Variants in MAN1A2 observed in about 807,000 individuals in gnomAD.
MAN1A2 encodes the protein mannosyl-oligosaccharide 1,2-alpha-mannosidase IB.
In MAN1A2, 26 loss-of-function variants were observed where a neutral mutation model predicts 75.7. That is an observed-to-expected ratio of 0.34 (90% CI 0.25 to 0.48). The LOEUF (loss-of-function observed/expected upper bound fraction) is 0.48, where lower values mean the gene tolerates loss of function less well. Among genes scored for constraint, MAN1A2 ranks in the 20% least tolerant of loss-of-function variants. The probability of loss-of-function intolerance (pLI) is 0.99; values close to 1 mark genes in which losing one functional copy is unlikely to be tolerated. For missense variants in MAN1A2, 562 were observed against 775.5 expected (o/e 0.72, Z 3.27); for synonymous variants, 247 against 264.6 (o/e 0.93, Z 0.65).
At chr1:117,452,407 G>GC (rs1649450611) in intron 6 of MAN1A2, among the ~76,000 whole-genome samples, 1 of 152,180 alleles carries the variant, frequency 6.6e-6, no homozygotes, top group African/African-American at 2.4e-5. Flanking sequence ...GGCCTCTTGT[G>GC]CCAAACAGTT....
intron 12 of MAN1A2, among the ~76,000 whole-genome samples, chr1:117,518,520 G>A (rs1651783984): frequency 6.6e-6 from 1 of 151,792 alleles, no homozygotes; most frequent in East Asian, 1.9e-4. Context: ...AAACAGTAAA[G>A]AAGAAAAAGT....
intron 12 of MAN1A2, among the ~76,000 whole-genome samples, chr1:117,512,305 A>G (rs548476337): frequency 6.6e-6 from 1 of 152,294 alleles, no homozygotes; most frequent in African/African-American, 2.4e-5. Flanking sequence ...AATTGTTGTT[A>G]GAAGTTACAC....
At chr1:117,518,927 A>G (rs1406597628) in intron 12 of MAN1A2, among the ~76,000 whole-genome samples, 1 of 152,136 alleles carries the variant, frequency 6.6e-6, no homozygotes, top group Non-Finnish European at 1.5e-5. Flanking sequence ...GATAGACCAT[A>G]TGATAAGCCA....
chr1:117,384,797 A>G (rs774991388), intron 1 of MAN1A2, among the ~76,000 whole-genome samples: 27 of 152,114 alleles, frequency 1.8e-4, no homozygotes, highest in East Asian at 3.9e-4. Flanking sequence ...ATTGACTTCC[A>G]TAAGTATTTT....
In MAN1A2 at chr1:117,451,233, A is replaced by G. The variant is rs138243783; in HGVS notation, c.950+8908A>G. ...GGAGATTTAAGACTTGACTGACCCA[A>G]TGGATTTCAGACTTGCATGGGGCCT... On this transcript the variant is annotated intron_variant, in intron 6 of 12. Coordinates refer to ENST00000356554, the MANE Select transcript of MAN1A2 (RefSeq NM_006699.5). Among the ~76,000 whole-genome samples, 133 of 152,322 alleles carry G rather than the reference A, an allele frequency of 8.7e-4. 1 individual carries two copies. Among genetic ancestry groups the G allele is most frequent in the African/African-American group, 2.6e-3 (109 of 41,582 alleles).
chr1:117,477,841 A>G (rs1424123410), intron 8 of MAN1A2, among the ~76,000 whole-genome samples: 2 of 152,030 alleles, frequency 1.3e-5, no homozygotes, highest in Non-Finnish European at 2.9e-5. Flanking sequence ...GAGGAAGTCA[A>G]ATTCTCTGTT....
At chr1:117,403,186 A>T (rs559497062) in intron 2 of MAN1A2, among the ~76,000 whole-genome samples, 1 of 152,240 alleles carries the variant, frequency 6.6e-6, no homozygotes, top group South Asian at 2.1e-4. Flanking sequence ...AGGTTTAATT[A>T]TTATAAAGTA....
chr1:117,415,663 TA>T (rs988754273), intron 4 of MAN1A2, among the ~76,000 whole-genome samples: 1 of 92,888 alleles, frequency 1.1e-5, no homozygotes, highest in Non-Finnish European at 2.6e-5. Flanking sequence ...GATAGATATT[TA>T]TTTTTTTTTC....
At position 117,420,645 on chromosome 1, in the gene MAN1A2, A is replaced by G. The variant is rs1392679772; in HGVS notation, c.851A>G (p.Glu284Gly). Residue 284 changes from glutamate to glycine, a missense_variant, in exon 5 of 13, where the codon GAG (glutamate) becomes GGG (glycine). Around this residue, in one of 2 missense-constraint regions of MAN1A2, gnomAD observed 434 missense variants for 645.7 expected, o/e 0.67. Coordinates refer to ENST00000356554, the MANE Select transcript of MAN1A2 (RefSeq NM_006699.5). ...CTTGCAGCATATTACCTATCAGGAGAGGAGGTGAGCAAAATCAAGCAATGC... is the reference window on the plus strand; with the variant it reads ...CTTGCAGCATATTACCTATCAGGAGGGGAGGTGAGCAAAATCAAGCAATGC... ...GLLAAYYLSG[E>G]EIFKIKAVQL... The G allele has an allele frequency of 1.2e-6, 2 of 1,611,328 alleles. No homozygotes were observed. Among genetic ancestry groups the G allele is most frequent in the Non-Finnish European group, 1.7e-6 (2 of 1,177,824 alleles).
chr1:117,445,878 G>A (rs1308004869), intron 6 of MAN1A2, among the ~76,000 whole-genome samples: 24,391 of 92,482 alleles, frequency 0.26, 3,834 homozygotes, highest in East Asian at 0.41. Context: ...GTGTGTCTGT[G>A]TGTGTGTATA....
At chr1:117,411,501 G>A (rs1021366908) in intron 3 of MAN1A2, among the ~76,000 whole-genome samples, 2 of 151,738 alleles carry the variant, frequency 1.3e-5, no homozygotes, top group African/African-American at 4.8e-5. Flanking sequence ...ACATCTTTGT[G>A]ACTTTGAGGT....
intron 1 of MAN1A2, among the ~76,000 whole-genome samples, chr1:117,388,483 T>G (rs1044969142): frequency 2.0e-5 from 3 of 152,160 alleles, no homozygotes; most frequent in Non-Finnish European, 2.9e-5. Context: ...CAACATCTGC[T>G]TCTGAAGAGG....
At chr1:117,427,834 T>A (rs1354249635) in intron 5 of MAN1A2, among the ~76,000 whole-genome samples, 1 of 152,184 alleles carries the variant, frequency 6.6e-6, no homozygotes, top group East Asian at 1.9e-4. Context: ...TAAAATTATG[T>A]GAATGCTTAG....
At chr1:117,410,973 A>T (rs1037089663) in intron 3 of MAN1A2, among the ~76,000 whole-genome samples, 7 of 151,836 alleles carry the variant, frequency 4.6e-5, no homozygotes, top group Non-Finnish European at 7.4e-5. Flanking sequence ...TAATGGAGAG[A>T]AATGCCATGT....
At chr1:117,377,555 A>T (rs1163674682) in intron 1 of MAN1A2, among the ~76,000 whole-genome samples, 1 of 152,232 alleles carries the variant, frequency 6.6e-6, no homozygotes, top group East Asian at 1.9e-4. Flanking sequence ...CAGTGCACAA[A>T]GAAGTGTTCA....
At position 117,514,236 on chromosome 1, in the gene MAN1A2, G is replaced by A. The variant is rs150707239; in HGVS notation, c.1794-8589G>A. ...AAATTAGCCGGGCATGGTGGTGCAT[G>A]GCTGTAATCTCAGCTACTTAGGAGG... On this transcript the variant is annotated intron_variant, in intron 12 of 12. Coordinates refer to ENST00000356554, the MANE Select transcript of MAN1A2 (RefSeq NM_006699.5). Among the ~76,000 whole-genome samples, 696 of 152,060 alleles carry A rather than the reference G, an allele frequency of 4.6e-3. 6 individuals carry two copies. Among genetic ancestry groups the A allele is most frequent in the African/African-American group, 0.016 (663 of 41,490 alleles).
intron 2 of MAN1A2, among the ~76,000 whole-genome samples, chr1:117,404,703 G>GTT (rs1647558581): frequency 6.6e-6 from 1 of 152,080 alleles, no homozygotes; most frequent in African/African-American, 2.4e-5. Flanking sequence ...CTTTGTTTAG[G>GTT]GCAGGGGTTG....
intron 1 of MAN1A2, among the ~76,000 whole-genome samples, chr1:117,374,318 G>C (rs1653073883): frequency 6.6e-6 from 1 of 152,114 alleles, no homozygotes; most frequent in Non-Finnish European, 1.5e-5. Flanking sequence ...CTTCTGGTTT[G>C]GGCTGACTCC....
chr1:117,504,125 TA>T (rs1322410680), intron 12 of MAN1A2, among the ~76,000 whole-genome samples: 2 of 151,444 alleles, frequency 1.3e-5, no homozygotes, highest in Non-Finnish European at 3.0e-5. Flanking sequence ...TATTCTGACT[TA>T]TCCTTTGTGA....
Sources: allele counts gnomAD v4.1 joint callset (sites outside exome capture counted in the v4.1 genomes callset), GRCh38; gene constraint gnomAD v4.1.1; regional missense constraint gnomAD v4.1.1; transcripts MANE v1.5; gene names NCBI Gene and HGNC (gene_info 2026-07-23, HGNC 2026-07-21).